Variants in HECTD4 observed in about 807,000 individuals in gnomAD.
HECTD4 encodes the protein HECT domain E3 ubiquitin protein ligase 4, also known as probable E3 ubiquitin-protein ligase HECTD4.
HECTD4 carries 114 observed loss-of-function variants against 471.5 expected under a neutral mutation model. The observed-to-expected ratio is 0.24, with a 90% CI of 0.21 to 0.28. The LOEUF (loss-of-function observed/expected upper bound fraction) is 0.28. HECTD4 is among the 10% of genes least tolerant of loss of function. HECTD4 has a pLI of 1.00. For missense variants in HECTD4, 3,866 were observed against 5,651.5 expected, an observed-to-expected ratio of 0.68 and a Z score of 10.13; for synonymous variants, 2,012 against 2,256.0, an observed-to-expected ratio of 0.89 and a Z score of 3.07.
intron 1 of HECTD4, among the ~76,000 whole-genome samples, chr12:112,355,939 A>C (rs200170206): frequency 6.6e-6 from 1 of 152,182 alleles, no homozygotes; most frequent in East Asian, 1.9e-4. Flanking sequence ...TAATTTGCCA[A>C]AATGAAATCT....
At chr12:112,209,017 C>T (rs2032679357) in intron 50 of HECTD4, among the ~76,000 whole-genome samples, 2 of 149,926 alleles carry the variant, frequency 1.3e-5, no homozygotes, top group Admixed American at 1.3e-4. Flanking sequence ...CCTCCCACCT[C>T]AACCTCCTGA....
chr12:112,250,279 G>A lies in HECTD4; in HGVS notation c.3815C>T (p.Thr1272Ile). 2 of 1,613,972 alleles carry A rather than the reference G, an allele frequency of 1.2e-6. No homozygotes were observed. The highest frequency in any genetic ancestry group is 2.7e-5 in the African/African-American group (2 of 75,046). The change falls in exon 25 of 76, where the codon ACC becomes ATC. Residue 1272 changes from threonine to isoleucine, a missense_variant. Thr to Ile is a moderately conservative substitution (Grantham distance 89). This residue lies in a region of HECTD4 where 281 missense variants were observed against 499.9 expected (regional missense o/e 0.56). Transcript: ENST00000682272. ...AGGCACGAGGACATCAGAGGGGTAG[G>A]TGAATTCTCTGTCTTCCTCTATGGT... ...PLTIEEDREFTYPSDVLVPPV... is the reference protein window; with the variant it reads ...PLTIEEDREFIYPSDVLVPPV...
chr12:112,338,856 A>G (rs1205352005), intron 1 of HECTD4, among the ~76,000 whole-genome samples: 3 of 152,022 alleles, frequency 2.0e-5, no homozygotes, highest in Non-Finnish European at 4.4e-5. Flanking sequence ...GAGGTGCCAC[A>G]TACTTTTAAA....
chr12:112,205,295 A>G (rs2135536629), intron 52 of HECTD4, among the ~76,000 whole-genome samples: 1 of 152,112 alleles, frequency 6.6e-6, no homozygotes, highest in East Asian at 1.9e-4. Flanking sequence ...TTAGCTGGGC[A>G]TGGTAGCAGG....
chr12:112,187,666 G>A (rs1233934381), intron 60 of HECTD4, among the ~76,000 whole-genome samples: 6 of 115,500 alleles, frequency 5.2e-5, no homozygotes, highest in East Asian at 2.8e-4. Context: ...CCACTCTGTC[G>A]CCCAGGCTGG....
chr12:112,171,405 G>A, intron 67 of HECTD4, 142 bp from the exon 68 acceptor site: 1 of 1,358,596 alleles, frequency 7.4e-7, no homozygotes, highest in Non-Finnish European at 9.9e-7. Context: ...GTCAGTGAGT[G>A]AGCGGCCCCC....
At chr12:112,311,631 A>G (rs549734109) in intron 4 of HECTD4, among the ~76,000 whole-genome samples, 17 of 151,360 alleles carry the variant, frequency 1.1e-4, no homozygotes, top group Admixed American at 3.9e-4. Context: ...AAAAAAAAAA[A>G]AAAAGAAAAG....
At chr12:112,253,453 A>G (rs1056980897) in intron 22 of HECTD4, among the ~76,000 whole-genome samples, 2 of 152,188 alleles carry the variant, frequency 1.3e-5, no homozygotes, top group African/African-American at 4.8e-5. Context: ...CTTGCCATCT[A>G]TGGCTGAATT....
At chr12:112,374,156 G>T (rs987923240) in intron 1 of HECTD4, among the ~76,000 whole-genome samples, 2 of 151,924 alleles carry the variant, frequency 1.3e-5, no homozygotes, top group African/African-American at 4.8e-5. Flanking sequence ...GAGCAACACA[G>T]CATGACTCCA....
Position 112,170,454 on chromosome 12 carries a change from T to C in HECTD4, c.11933-2A>G. 1 of 1,613,728 alleles carries C rather than the reference T, an allele frequency of 6.2e-7. No individual in the cohort carries two copies. The highest frequency in any genetic ancestry group is 8.5e-7 in the Non-Finnish European group (1 of 1,179,844). ...CCTTCGTGTCATAGAAGATCAGCCC[T>C]AAGGAGAGGAACGTGGGAGAGGCTT... On this transcript the variant is annotated splice_acceptor_variant, in intron 68 of 75. Coordinates refer to ENST00000682272, the MANE Select transcript of HECTD4 (RefSeq NM_001388303.1). LOFTEE classifies it high-confidence loss of function.
chr12:112,170,375 C>T lies in HECTD4; in HGVS notation c.12010G>A (p.Ala4004Thr), dbSNP rs746900553. Residue 4004 changes from alanine (A) to threonine (T), a missense_variant, in exon 69 of 76, where the codon GCG becomes ACG. By Grantham distance (58) the Ala-to-Thr change is moderately conservative. Transcript: ENST00000682272. ...GGGTCCAAGGTGATCTCAGGGGCCG[C>T]GTGGTCCGCTGTCCTCTGCACAGTG... Reference protein sequence around the residue: ...NATVQRTADHAAPEITLDPLE... With the variant: ...NATVQRTADHTAPEITLDPLE... The T allele has an allele frequency of 6.2e-7, 1 of 1,614,004 alleles. No homozygotes were observed. Among genetic ancestry groups the T allele is most frequent in the Admixed American group, 1.7e-5 (1 of 60,028 alleles).
At chr12:112,216,685 A>T in intron 47 of HECTD4, 88 bp downstream of exon 47, 1 of 1,448,610 alleles carries the variant, frequency 6.9e-7, no homozygotes, top group Non-Finnish European at 9.4e-7. Flanking sequence ...ACTTGAAGAC[A>T]GAACTCTATT....
In HECTD4 at chr12:112,381,865, G is replaced by A. The variant is rs536089237; in HGVS notation, c.177+87C>T. On this transcript the variant is annotated intron_variant, in intron 1 of 75. Transcript: ENST00000682272. This position sits in a 1 kb window ranked among gnomAD's most constrained non-coding sequence, Gnocchi z 4.1. ...CCGGCAGCCGCCGGGAGGCGAGGCC[G>A]CGGCTGAGGCGAGGAGGGGGCCCGA... 78 of 993,198 alleles carry A rather than the reference G, an allele frequency of 7.9e-5. No individual in the cohort carries two copies. The African/African-American group carries it at 1.1e-3, about 15-fold the overall frequency. 61.5% of individuals were successfully genotyped at this position (993,198 alleles called of 1,614,324 possible).
In HECTD4 at chr12:112,184,636, G is replaced by A; in HGVS notation, c.10330C>T (p.Pro3444Ser). The change falls in exon 61 of 76, where the codon CCA (proline) becomes TCA (serine). Residue 3444 changes from proline to serine, a missense_variant. Pro to Ser is a moderately conservative substitution (Grantham distance 74). Around this residue, in one of 16 missense-constraint regions of HECTD4, gnomAD observed 71 missense variants for 144.5 expected, o/e 0.49. Coordinates refer to ENST00000682272, the MANE Select transcript of HECTD4 (RefSeq NM_001388303.1). This position sits in a 1 kb window ranked among gnomAD's most constrained non-coding sequence, Gnocchi z 9.1. ...TCCCCGCCCTCGGCCTTGTCTTTTG[G>A]CTTCTTGGTGTCTTCTTCCTGCAGC... ...IPLQEEDTKK[P>S]KDKAEGGDGK... The A allele has an allele frequency of 6.2e-7, 1 of 1,613,890 alleles. No individual in the cohort carries two copies. Among genetic ancestry groups the A allele is most frequent in the Non-Finnish European group, 8.5e-7 (1 of 1,179,882 alleles).
intron 7 of HECTD4, among the ~76,000 whole-genome samples, chr12:112,292,554 G>A (rs1393471236): frequency 6.6e-6 from 1 of 152,210 alleles, no homozygotes; most frequent in Non-Finnish European, 1.5e-5. Flanking sequence ...TACCTGGCAT[G>A]TAGAAGGCCC....
At chr12:112,180,894 C>G in intron 62 of HECTD4, among the ~76,000 whole-genome samples, 1 of 151,884 alleles carries the variant, frequency 6.6e-6, no homozygotes, top group East Asian at 1.9e-4. Context: ...CCAAAAACCT[C>G]AGTCATCAAG....
rs765293011 is a variant in HECTD4, at chr12:112,164,299, G to T, written c.12535-24C>A. 11 of 1,601,654 alleles carry T rather than the reference G, an allele frequency of 6.9e-6. No individual in the cohort carries two copies. In the Admixed American group the frequency reaches 1.5e-4, roughly 22 times the overall value. On this transcript the variant is annotated intron_variant, in intron 72 of 75. Transcript: ENST00000682272. ...ATCTGGAGGGTGGAGGCAGAGCGAGGCTCATTATGAGGCCATGGGAGGTGG... is the reference window on the plus strand; with the variant it reads ...ATCTGGAGGGTGGAGGCAGAGCGAGTCTCATTATGAGGCCATGGGAGGTGG...
chr12:112,368,021 T>C (rs2036600718), intron 1 of HECTD4, among the ~76,000 whole-genome samples: 1 of 152,114 alleles, frequency 6.6e-6, no homozygotes, highest in African/African-American at 2.4e-5. Context: ...AATGTTAATA[T>C]TTTGTTAGTA....
intron 1 of HECTD4, among the ~76,000 whole-genome samples, chr12:112,343,756 C>CAG (rs573602385): frequency 1.3e-5 from 2 of 151,496 alleles, no homozygotes; most frequent in Non-Finnish European, 2.9e-5. Context: ...GGGCAACAGA[C>CAG]AGAGAGACCC....
Sources: allele counts gnomAD v4.1 joint callset (sites outside exome capture counted in the v4.1 genomes callset), GRCh38; gene constraint gnomAD v4.1.1; regional missense constraint gnomAD v4.1.1; non-coding constraint Gnocchi (gnomAD v3.1); transcripts MANE v1.5; gene names NCBI Gene and HGNC (gene_info 2026-07-23, HGNC 2026-07-21).